RPS6KB1: variants seen among roughly 807,000 people sequenced by gnomAD.
The protein encoded by RPS6KB1 is ribosomal protein S6 kinase B1, also known as ribosomal protein S6 kinase beta-1.
Under a neutral mutation model 70.2 loss-of-function variants are expected in RPS6KB1, and 12 were observed. That is an observed-to-expected ratio of 0.17 (90% CI 0.11 to 0.28). The LOEUF is 0.28. Ranked by LOEUF, RPS6KB1 falls within the 10% of genes least tolerant of loss-of-function variation. RPS6KB1 has a pLI of 1.00. For synonymous variants in RPS6KB1, 175 were observed against 211.2 expected (o/e 0.83, Z 1.49); for missense variants, 270 against 646.6 (o/e 0.42, Z 6.32).
At chr17:59,917,647 C>T (rs368488085) in intron 4 of RPS6KB1, among the ~76,000 whole-genome samples, 5 of 151,976 alleles carry the variant, frequency 3.3e-5, no homozygotes, top group East Asian at 3.9e-4. Flanking sequence ...TGTGTTTCCC[C>T]GGCTGGCCTG....
At chr17:59,945,111 A>G (rs922220718) in intron 13 of RPS6KB1, 15 of 213,420 alleles carry the variant, frequency 7.0e-5, no homozygotes, top group African/African-American at 3.5e-4. Context: ...CGTATTTAAC[A>G]TCTTCATATG....
intron 1 of RPS6KB1, among the ~76,000 whole-genome samples, chr17:59,901,701 C>T (rs897300048): frequency 6.6e-6 from 1 of 150,588 alleles, no homozygotes; most frequent in Non-Finnish European, 1.5e-5. Context: ...TTCTCACCCT[C>T]AGCCCCAGGC....
intron 5 of RPS6KB1, among the ~76,000 whole-genome samples, chr17:59,929,484 C>A (rs1435266703): frequency 1.3e-5 from 2 of 152,240 alleles, no homozygotes; most frequent in South Asian, 4.1e-4. Context: ...TCCGTCACGT[C>A]TTCTTCATTT....
At chr17:59,895,318 C>CTTTTTT (rs71145587) in intron 1 of RPS6KB1, among the ~76,000 whole-genome samples, 2 of 106,282 alleles carry the variant, frequency 1.9e-5, no homozygotes, top group Admixed American at 1.1e-4. Flanking sequence ...CTGCGCCTGG[C>CTTTTTT]TTTTTTTTTT....
In RPS6KB1 at chr17:59,905,244, G is replaced by T. The variant is rs182081124; in HGVS notation, c.142-5318G>T. 4.1e-4 allele frequency among the ~76,000 whole-genome samples: 62 copies of T among 152,042 alleles called. 1 individual carries two copies. In the East Asian group the frequency reaches 0.01, roughly 26 times the overall value. The stretch of plus-strand genomic sequence containing the variant: ...GCTGGTCTCAAACTCCTGAGCTCAA[G>T]TGATATGCCCACCTCAGCCTCCCAA... On this transcript the variant is annotated intron_variant, in intron 1 of 14. Transcript: ENST00000225577.
intron 4 of RPS6KB1, among the ~76,000 whole-genome samples, chr17:59,921,886 A>C (rs909299595): frequency 1.3e-5 from 2 of 152,122 alleles, no homozygotes; most frequent in Non-Finnish European, 2.9e-5. Context: ...CTTTTGACTT[A>C]CTTGATTCCT....
chr17:59,947,366 T>C lies in RPS6KB1; in HGVS notation c.*578T>C. The C allele has an allele frequency of 8.3e-7, 1 of 1,203,736 alleles. No individual in the cohort carries two copies. The highest frequency in any genetic ancestry group is 1.0e-6 in the Non-Finnish European group (1 of 960,034). 74.6% of individuals were successfully genotyped at this position (1,203,736 alleles called of 1,614,324 possible). On this transcript the variant is annotated 3_prime_UTR_variant, in exon 15 of 15. Coordinates refer to ENST00000225577, the MANE Select transcript of RPS6KB1 (RefSeq NM_003161.4). ...GCTCATTATGAAAAACATCCCAAAC[T>C]TTAAAATGCGAAATTATTGGTTGGT...
chr17:59,938,269 C>T (rs1318598563), intron 12 of RPS6KB1, among the ~76,000 whole-genome samples: 1 of 150,242 alleles, frequency 6.7e-6, no homozygotes, highest in Non-Finnish European at 1.5e-5. Flanking sequence ...ACCTCCCAGG[C>T]TCAAGGGCTC....
intron 4 of RPS6KB1, among the ~76,000 whole-genome samples, chr17:59,922,452 A>C (rs2043321218): frequency 6.6e-6 from 1 of 151,876 alleles, no homozygotes; most frequent in South Asian, 2.1e-4. Context: ...TTTCTTGCCC[A>C]AATATTACTG....
At chr17:59,902,457 G>T (rs1030915313) in intron 1 of RPS6KB1, among the ~76,000 whole-genome samples, 2 of 151,946 alleles carry the variant, frequency 1.3e-5, no homozygotes, top group Non-Finnish European at 2.9e-5. Context: ...TCTTTTTAGG[G>T]CCAAATAGTT....
rs1568535027 is a variant in RPS6KB1, at chr17:59,950,509, T to TCA, written c.*3721_*3722insCA. 4 of 151,712 alleles carry TCA rather than the reference T, an allele frequency of 2.6e-5. No homozygotes were observed. The highest frequency in any genetic ancestry group is 2.0e-4 in the Admixed American group (3 of 15,220). 9.4% of individuals were successfully genotyped at this position (151,712 alleles called of 1,614,324 possible). ...AGGTGTATAAATGGTTTAAATTTAT[T>TCA]TTAACATGTCAGATGTGTTCAAGTT... On this transcript the variant is annotated 3_prime_UTR_variant, in exon 15 of 15. Coordinates refer to ENST00000225577, the MANE Select transcript of RPS6KB1 (RefSeq NM_003161.4).
chr17:59,922,790 C>T (rs1179153296), intron 4 of RPS6KB1, among the ~76,000 whole-genome samples: 1 of 151,684 alleles, frequency 6.6e-6, no homozygotes, highest in Non-Finnish European at 1.5e-5. Flanking sequence ...GTGATCTAGC[C>T]ACCTTGGCCT....
intron 12 of RPS6KB1, among the ~76,000 whole-genome samples, chr17:59,938,558 G>T (rs535768924): frequency 6.6e-6 from 1 of 152,136 alleles, no homozygotes; most frequent in South Asian, 2.1e-4. Flanking sequence ...TGATTTTGCT[G>T]ATGTTATCCC....
chr17:59,902,279 A>G (rs2042004413), intron 1 of RPS6KB1, among the ~76,000 whole-genome samples: 2 of 151,324 alleles, frequency 1.3e-5, no homozygotes, highest in African/African-American at 4.9e-5. Context: ...TAATTTTTGT[A>G]TTTTTAGTAG....
chr17:59,910,470 C>T (rs1022610283), intron 1 of RPS6KB1, 92 bp from the exon 2 acceptor site: 4 of 762,810 alleles, frequency 5.2e-6, no homozygotes, highest in Non-Finnish European at 6.3e-6. Flanking sequence ...TGGTTTATTT[C>T]ATTCATTCTC....
chr17:59,896,072 T>C (rs2144648881), intron 1 of RPS6KB1, among the ~76,000 whole-genome samples: 1 of 152,316 alleles, frequency 6.6e-6, no homozygotes, highest in African/African-American at 2.4e-5. Context: ...TCTTTATCAG[T>C]TATGTTGGTT....
chr17:59,914,858 G>A (rs2042847862), intron 4 of RPS6KB1, among the ~76,000 whole-genome samples, 155 bp downstream of exon 4: 1 of 152,170 alleles, frequency 6.6e-6, no homozygotes, highest in Admixed American at 6.5e-5. Flanking sequence ...GCCAGGTACA[G>A]TGGTGCACAC....
At chr17:59,910,755 C>G (rs763043034) in intron 2 of RPS6KB1, 144 bp downstream of exon 2, 5 of 596,094 alleles carry the variant, frequency 8.4e-6, no homozygotes, top group Non-Finnish European at 1.5e-5. Context: ...TTGAATTTGG[C>G]ACCAAAATCT....
intron 2 of RPS6KB1, 137 bp from the exon 3 acceptor site, chr17:59,912,547 C>A: frequency 2.5e-6 from 2 of 800,224 alleles, no homozygotes; most frequent in Non-Finnish European, 1.9e-6. Context: ...TTGTTTAGAG[C>A]ACAAATAATT....
Sources: allele counts gnomAD v4.1 joint callset (sites outside exome capture counted in the v4.1 genomes callset), GRCh38; gene constraint gnomAD v4.1.1; transcripts MANE v1.5; gene names NCBI Gene and HGNC (gene_info 2026-07-23, HGNC 2026-07-21).